The following PCDH17 variants were observed in gnomAD, a reference collection of about 807,000 sequenced individuals.
PCDH17 encodes protocadherin 17.
PCDH17 carries 21 observed loss-of-function variants against 67.7 expected under a neutral mutation model. That is an observed-to-expected ratio of 0.31 (90% CI 0.22 to 0.45). The LOEUF (loss-of-function observed/expected upper bound fraction) is 0.45, where lower values mean the gene tolerates loss of function less well. Among genes scored for constraint, PCDH17 ranks in the 20% least tolerant of loss-of-function variants. The pLI is 1.00. For synonymous variants in PCDH17, 701 were observed against 656.7 expected, an observed-to-expected ratio of 1.07 and a Z score of -1.03; for missense variants, 1,471 against 1,564.8, an observed-to-expected ratio of 0.94 and a Z score of 1.01.
chr13:57,671,852 T>C (rs955549365), intron 3 of PCDH17, among the ~76,000 whole-genome samples: 5 of 152,020 alleles, frequency 3.3e-5, no homozygotes, highest in Admixed American at 3.3e-4. Context: ...TCACCAATTC[T>C]AACATCACCC....
At chr13:57,714,642 C>A (rs1385482340) in intron 3 of PCDH17, among the ~76,000 whole-genome samples, 2 of 151,750 alleles carry the variant, frequency 1.3e-5, no homozygotes, top group Non-Finnish European at 2.9e-5. Flanking sequence ...AGCCAAACAG[C>A]TTTTGCTAAC....
At chr13:57,644,161 C>T (rs944628396) in intron 1 of PCDH17, among the ~76,000 whole-genome samples, 5 of 151,584 alleles carry the variant, frequency 3.3e-5, no homozygotes, top group African/African-American at 7.3e-5. Flanking sequence ...TTTCCAGGTT[C>T]CAACCTTCTT....
intron 3 of PCDH17, among the ~76,000 whole-genome samples, chr13:57,722,237 T>C (rs1955877450): frequency 6.6e-6 from 1 of 152,204 alleles, no homozygotes; most frequent in Non-Finnish European, 1.5e-5. Flanking sequence ...TCTTTTTCTG[T>C]GTCTTAAATT....
chr13:57,724,804 C>T lies in PCDH17; in HGVS notation c.2990C>T (p.Thr997Ile), dbSNP rs767200908. ...YETVNPTGKK[T>I]FCTFGKDKRE... is the part of the protein sequence containing the mutation. The stretch of plus-strand genomic sequence containing the variant: ...ACTGTGAATCCCACTGGGAAAAAGA[C>T]TTTTTGTACATTTGGAAAAGACAAG... The change falls in exon 4 of 4, where the codon ACT (threonine) becomes ATT (isoleucine). Residue 997 changes from threonine (T) to isoleucine (I), a missense_variant. This residue lies in a region of PCDH17 where 297 missense variants were observed against 298.6 expected (regional missense o/e 0.99). Transcript: ENST00000377918. 2 of 1,614,152 alleles carry T rather than the reference C, an allele frequency of 1.2e-6. No homozygotes were observed. Among genetic ancestry groups the T allele is most frequent in the South Asian group, 1.1e-5 (1 of 91,086 alleles).
chr13:57,708,116 A>G (rs1177339109), intron 3 of PCDH17, among the ~76,000 whole-genome samples: 1 of 151,976 alleles, frequency 6.6e-6, no homozygotes, highest in Non-Finnish European at 1.5e-5. Flanking sequence ...TGCTTATATT[A>G]TTTTAAAAAT....
At chr13:57,660,630 T>C (rs769845909) in intron 1 of PCDH17, among the ~76,000 whole-genome samples, 11 of 152,210 alleles carry the variant, frequency 7.2e-5, no homozygotes, top group Non-Finnish European at 1.2e-4. Context: ...ACAAGCAAGA[T>C]ACTGAACAGT....
Position 57,689,357 on chromosome 13 carries a change from C to T in PCDH17, c.2797+22524C>T, listed in dbSNP as rs116188792. On this transcript the variant is annotated intron_variant, in intron 3 of 3. Coordinates refer to ENST00000377918, the MANE Select transcript of PCDH17 (RefSeq NM_001040429.3). ...ATTGAATCGAAAGCACAAAGTCCAGCATGGCTGAGGGAGAAGGGGCAAGTT... is the reference window on the plus strand; with the variant it reads ...ATTGAATCGAAAGCACAAAGTCCAGTATGGCTGAGGGAGAAGGGGCAAGTT... Among the ~76,000 whole-genome samples the T allele has an allele frequency of 6.1e-4, 92 of 151,974 alleles. 1 individual carries two copies. The highest frequency in any genetic ancestry group is 2.2e-3 in the African/African-American group (91 of 41,506).
chr13:57,686,219 AG>A (rs1385219287), intron 3 of PCDH17, among the ~76,000 whole-genome samples: 2 of 152,060 alleles, frequency 1.3e-5, no homozygotes, highest in Non-Finnish European at 2.9e-5. Context: ...GTTGTGAGGT[AG>A]TTGGAACTTT....
Position 57,725,103 on chromosome 13 carries a change from G to A in PCDH17, c.3289G>A (p.Ala1097Thr), listed in dbSNP as rs749030853. The A allele has an allele frequency of 6.2e-7, 1 of 1,614,146 alleles. No homozygotes were observed. The highest frequency in any genetic ancestry group is 8.5e-7 in the Non-Finnish European group (1 of 1,180,006). ...DPPFMASDQM[A>T]RVFADVHSRA... The stretch of plus-strand genomic sequence containing the variant: ...TCCCTTCATGGCTTCCGATCAGATG[G>A]CAAGGGTCTTTGCAGATGTGCATTC... The change falls in exon 4 of 4, where the codon GCA becomes ACA. Residue 1097 changes from alanine (A) to threonine (T), a missense_variant. Ala to Thr is a moderately conservative substitution (Grantham distance 58, BLOSUM62 0). This residue lies in a region of PCDH17 where 297 missense variants were observed against 298.6 expected (regional missense o/e 0.99). Transcript: ENST00000377918.
At chr13:57,699,301 T>TA (rs1160545754) in intron 3 of PCDH17, among the ~76,000 whole-genome samples, 1 of 151,942 alleles carries the variant, frequency 6.6e-6, no homozygotes, top group Non-Finnish European at 1.5e-5. Flanking sequence ...ATCCCCAAAT[T>TA]AAAAAAAGGT....
intron 3 of PCDH17, among the ~76,000 whole-genome samples, chr13:57,703,837 A>T (rs944920301): frequency 8.6e-5 from 13 of 152,008 alleles, no homozygotes; most frequent in African/African-American, 3.1e-4. Context: ...ATGTAGTAAA[A>T]TTTTTCTTTG....
chr13:57,633,335 C>G lies in PCDH17; in HGVS notation c.789C>G (p.Ile263Met). 1.9e-6 allele frequency: 3 copies of G among 1,613,224 alleles called. No homozygotes were observed. The highest frequency in any genetic ancestry group is 2.5e-6 in the Non-Finnish European group (3 of 1,180,004). ...ACGCTCCGCTGGGTACAGTGGTCAT[C>G]GATCTGAACGCCACCGACGCCGATG... ...PENAPLGTVV[I>M]DLNATDADEG... The change falls in exon 1 of 4, where the codon ATC (isoleucine) becomes ATG (methionine). Residue 263 changes from isoleucine to methionine, a missense_variant. Physicochemically the swap from Ile to Met is conservative, Grantham distance 10. Transcript: ENST00000377918. The surrounding 1 kb of genome is among the most constrained non-coding windows in gnomAD (Gnocchi z 6.2).
chr13:57,683,689 T>A (rs1262691274), intron 3 of PCDH17, among the ~76,000 whole-genome samples: 1 of 151,886 alleles, frequency 6.6e-6, no homozygotes, highest in Non-Finnish European at 1.5e-5. Flanking sequence ...CAGGTGACGC[T>A]GGTAAATATT....
At chr13:57,710,544 G>T (rs943743800) in intron 3 of PCDH17, among the ~76,000 whole-genome samples, 1 of 151,702 alleles carries the variant, frequency 6.6e-6, no homozygotes, top group African/African-American at 2.4e-5. Flanking sequence ...GAAAAATTAA[G>T]TAAAAAAACA....
At chr13:57,670,830 G>A (rs1465158949) in intron 3 of PCDH17, among the ~76,000 whole-genome samples, 2 of 151,592 alleles carry the variant, frequency 1.3e-5, no homozygotes, top group Non-Finnish European at 1.5e-5. Flanking sequence ...CCTGATATTT[G>A]TGTATTTTTG....
Position 57,632,644 on chromosome 13 carries a change from C to CGGTGAT in PCDH17, c.99_104dup (p.Val34_Ile35insMetVal), listed in dbSNP as rs749925088. 1.9e-6 allele frequency: 3 copies of CGGTGAT among 1,613,132 alleles called. No individual in the cohort carries two copies. The African/African-American group carries it at 4.0e-5, about 22-fold the overall frequency. ...GTGCCGGAGGAGCAAGGGGCCGGCA[C>CGGTGAT]GGTGATCGGGAACATCGGCAGGGAT... On this transcript the variant is annotated inframe_insertion, in exon 1 of 4. Transcript: ENST00000377918.
At chr13:57,657,708 G>A (rs1043856811) in intron 1 of PCDH17, among the ~76,000 whole-genome samples, 6 of 152,286 alleles carry the variant, frequency 3.9e-5, no homozygotes, top group South Asian at 2.1e-4. Flanking sequence ...AGTTTTCAAC[G>A]CAATGGTATC....
chr13:57,668,795 T>C (rs1955286451), intron 3 of PCDH17, among the ~76,000 whole-genome samples: 1 of 152,092 alleles, frequency 6.6e-6, no homozygotes, highest in African/African-American at 2.4e-5. Flanking sequence ...AAATAATTTA[T>C]GAATTATGTG....
intron 1 of PCDH17, among the ~76,000 whole-genome samples, chr13:57,658,913 A>G (rs1311223881): frequency 6.6e-6 from 1 of 152,040 alleles, no homozygotes; most frequent in African/African-American, 2.4e-5. Flanking sequence ...CATCTCTACT[A>G]AAATTACAAA....
Sources: allele counts gnomAD v4.1 joint callset (sites outside exome capture counted in the v4.1 genomes callset), GRCh38; gene constraint gnomAD v4.1.1; regional missense constraint gnomAD v4.1.1; non-coding constraint Gnocchi (gnomAD v3.1); transcripts MANE v1.5; gene names NCBI Gene and HGNC (gene_info 2026-07-23, HGNC 2026-07-21).